Variants in ZNF407 observed in about 807,000 individuals in gnomAD.
ZNF407 encodes zinc finger protein 407.
ZNF407 carries 17 observed loss-of-function variants against 131.2 expected under a neutral mutation model. The ratio of observed to expected loss-of-function variants is 0.13; its 90% CI spans 0.09 to 0.19. The LOEUF (loss-of-function observed/expected upper bound fraction) is 0.19, where lower values mean the gene tolerates loss of function less well. Among genes scored for constraint, ZNF407 ranks in the 10% least tolerant of loss-of-function variants. The pLI is 1.00. For missense variants in ZNF407, 2,681 were observed against 2,830.6 expected, an observed-to-expected ratio of 0.95 and a Z score of 1.20; for synonymous variants, 1,156 against 1,062.0, an observed-to-expected ratio of 1.09 and a Z score of -1.72.
At chr18:74,884,489 G>A (rs1971281277) in intron 6 of ZNF407, among the ~76,000 whole-genome samples, 1 of 152,148 alleles carries the variant, frequency 6.6e-6, no homozygotes, top group Admixed American at 6.5e-5. Context: ...TCAGATGTCT[G>A]AGCCTTGCTT....
At chr18:74,875,195 T>C (rs935835521) in intron 4 of ZNF407, among the ~76,000 whole-genome samples, 1 of 152,218 alleles carries the variant, frequency 6.6e-6, no homozygotes, top group Non-Finnish European at 1.5e-5. Context: ...TACCGGTTCT[T>C]TTTTAAGTGC....
intron 7 of ZNF407, among the ~76,000 whole-genome samples, chr18:74,908,699 G>A (rs182726553): frequency 6.6e-6 from 1 of 152,140 alleles, no homozygotes; most frequent in East Asian, 1.9e-4. Flanking sequence ...TTTCCTTATG[G>A]GTCCTTTAGT....
intron 3 of ZNF407, among the ~76,000 whole-genome samples, chr18:74,680,974 A>G (rs1325847082): frequency 6.6e-6 from 1 of 152,204 alleles, no homozygotes; most frequent in African/African-American, 2.4e-5. Context: ...GACAGTCAGT[A>G]GAGCATTGAT....
At chr18:74,831,738 C>T (rs546817234) in intron 4 of ZNF407, among the ~76,000 whole-genome samples, 1 of 152,164 alleles carries the variant, frequency 6.6e-6, no homozygotes, top group South Asian at 2.1e-4. Context: ...TGCCACGTGT[C>T]CCCCTCACCC....
At chr18:75,006,313 T>TGCC (rs1972909955) in intron 8 of ZNF407, among the ~76,000 whole-genome samples, 1 of 152,262 alleles carries the variant, frequency 6.6e-6, no homozygotes, top group African/African-American at 2.4e-5. Context: ...ATTTATTTTC[T>TGCC]GCCTTTTACT....
At chr18:74,815,843 A>G (rs1296346593) in intron 4 of ZNF407, among the ~76,000 whole-genome samples, 1 of 152,148 alleles carries the variant, frequency 6.6e-6, no homozygotes, top group Non-Finnish European at 1.5e-5. Flanking sequence ...AATTGTATTG[A>G]TAGGTTATTA....
intron 1 of ZNF407, among the ~76,000 whole-genome samples, chr18:74,616,680 A>G (rs1017233542): frequency 6.6e-6 from 1 of 151,944 alleles, no homozygotes; most frequent in East Asian, 1.9e-4. Context: ...ATCTGTTGCA[A>G]TGTTTACCCA....
intron 1 of ZNF407, among the ~76,000 whole-genome samples, chr18:74,607,270 G>C (rs1982849114): frequency 6.6e-6 from 1 of 152,100 alleles, no homozygotes; most frequent in Non-Finnish European, 1.5e-5. Context: ...ACAGGTTCCC[G>C]GGGTGACTTT....
chr18:74,916,725 GTGTGCA>G, intron 7 of ZNF407, among the ~76,000 whole-genome samples: 1 of 144,814 alleles, frequency 6.9e-6, no homozygotes, highest in African/African-American at 2.6e-5. Context: ...GTATGTGTGT[GTGTGCA>G]TGTGTGTGCT....
chr18:74,951,892 CA>C (rs35813237), intron 8 of ZNF407, among the ~76,000 whole-genome samples: 32,540 of 140,310 alleles, frequency 0.23, 4,467 homozygotes, highest in African/African-American at 0.4. Context: ...CAGGATCTGA[CA>C]AAAAAAAAAA....
chr18:75,040,211 G>A (rs561571427), intron 8 of ZNF407, among the ~76,000 whole-genome samples: 30 of 152,218 alleles, frequency 2.0e-4, no homozygotes, highest in African/African-American at 7.0e-4. Flanking sequence ...CCTGCCTAAA[G>A]GAATTTTTGT....
intron 3 of ZNF407, among the ~76,000 whole-genome samples, chr18:74,720,927 C>CTTTTTTT (rs34746909): frequency 1.1e-4 from 16 of 143,574 alleles, no homozygotes; most frequent in African/African-American, 1.0e-4. Context: ...ATACCTTCAG[C>CTTTTTTT]TTTTTTTTTT....
chr18:74,825,407 T>A (rs937023547), intron 4 of ZNF407, among the ~76,000 whole-genome samples: 3 of 152,198 alleles, frequency 2.0e-5, no homozygotes, highest in African/African-American at 7.2e-5. Flanking sequence ...AAATTTTCTC[T>A]GTTTGCAGAT....
intron 3 of ZNF407, among the ~76,000 whole-genome samples, chr18:74,686,784 A>C (rs1257930636): frequency 2.0e-5 from 3 of 152,240 alleles, no homozygotes; most frequent in African/African-American, 7.2e-5. Flanking sequence ...TGGTAGGTTA[A>C]ACAAAGGTAA....
Position 74,614,947 on chromosome 18 carries a change from A to G in ZNF407, c.-53-16020A>G, listed in dbSNP as rs530324567. Among the ~76,000 whole-genome samples, 6 of 152,336 alleles carry G rather than the reference A, an allele frequency of 3.9e-5. No individual in the cohort carries two copies. The East Asian group carries it at 9.6e-4, about 24-fold the overall frequency. On this transcript the variant is annotated intron_variant, in intron 1 of 8. Coordinates refer to ENST00000299687, the MANE Select transcript of ZNF407 (RefSeq NM_017757.3). ...CACCCACTTCATTTCTTCCCTTTGC[A>G]CAATTCCAGGTTATGTTTTGCAGAC...
rs201469485 is a variant in ZNF407 at position 74,995,448 on chromosome 18, CT to C, written c.5429-67701del. Among the ~76,000 whole-genome samples, 27 of 152,116 alleles carry C rather than the reference CT, an allele frequency of 1.8e-4. 1 individual carries two copies. The East Asian group carries it at 2.9e-3, about 16-fold the overall frequency. ...GGACCAGTTGTGAAGTGGGCAGGTT[CT>C]AAAAAAAGCATTAGGCTATCAAAGA... On this transcript the variant is annotated intron_variant, in intron 8 of 8. Coordinates refer to ENST00000299687, the MANE Select transcript of ZNF407 (RefSeq NM_017757.3).
intron 8 of ZNF407, among the ~76,000 whole-genome samples, chr18:74,997,665 G>A (rs1212783422): frequency 1.3e-5 from 2 of 152,022 alleles, no homozygotes; most frequent in African/African-American, 2.4e-5. Flanking sequence ...GTTTCCTTCA[G>A]ACTCATTAGA....
intron 3 of ZNF407, among the ~76,000 whole-genome samples, chr18:74,687,029 G>A (rs1245810612): frequency 6.6e-6 from 1 of 152,126 alleles, no homozygotes; most frequent in Non-Finnish European, 1.5e-5. Context: ...AATCTCTTGG[G>A]GAATATGCAC....
chr18:74,806,620 T>A (rs957586261), intron 4 of ZNF407, among the ~76,000 whole-genome samples: 1 of 152,214 alleles, frequency 6.6e-6, no homozygotes, highest in Non-Finnish European at 1.5e-5. Flanking sequence ...TGACAACATG[T>A]CATAGTGGAT....
Sources: gnomAD v4.1 joint callset for allele counts (sites outside exome capture counted in the v4.1 genomes callset) on GRCh38, gnomAD v4.1.1 for gene constraint, MANE v1.5 for transcripts, NCBI Gene and HGNC (gene_info 2026-07-23, HGNC 2026-07-21) for gene names.